The following FAM13B variants were observed in gnomAD, a reference collection of about 807,000 sequenced individuals.
FAM13B encodes the protein family with sequence similarity 13 member B, also known as protein FAM13B.
A neutral mutation model predicts 117.3 loss-of-function variants in FAM13B; 60 were observed. The ratio of observed to expected loss-of-function variants is 0.51; its 90% confidence interval spans 0.42 to 0.63. FAM13B has a LOEUF of 0.63. Among genes scored for constraint, FAM13B ranks in the 30% least tolerant of loss-of-function variants. FAM13B has a pLI of 0.00. For synonymous variants in FAM13B, 332 were observed against 356.1 expected (o/e 0.93, Z 0.76); for missense variants, 972 against 1,091.9 (o/e 0.89, Z 1.55).
At position 137,947,653 on chromosome 5, in the gene FAM13B, C is replaced by A. The variant is rs1561733091; in HGVS notation, c.2160+1302G>T. On this transcript the variant is annotated intron_variant, in intron 18 of 23. Transcript: ENST00000689681. Reference sequence around the variant, plus strand: ...CTTGAGTGCAATGGTGCAATCCTGGCTCACCGCAACCTCCGTCTCCCAGGT... The same window carrying A: ...CTTGAGTGCAATGGTGCAATCCTGGATCACCGCAACCTCCGTCTCCCAGGT... 2.6e-5 allele frequency among the ~76,000 whole-genome samples: 4 copies of A among 152,092 alleles called. No individual in the cohort carries two copies. The South Asian group carries it at 8.3e-4, about 32-fold the overall frequency.
chr5:138,034,279 A>C (rs530491155), upstream of FAM13B, among the ~76,000 whole-genome samples: 12 of 152,374 alleles, frequency 7.9e-5, no homozygotes, highest in East Asian at 1.3e-3. Context: ...TCACTCACTC[A>C]TTCAACAGAT....
chr5:137,964,644 C>T (rs1193431101), intron 10 of FAM13B, among the ~76,000 whole-genome samples: 1 of 151,882 alleles, frequency 6.6e-6, no homozygotes, highest in Non-Finnish European at 1.5e-5. Context: ...TTGCTTGAAC[C>T]CAGGAAGCAA....
intron 1 of FAM13B, among the ~76,000 whole-genome samples, chr5:138,045,249 T>G (rs1791608245): frequency 6.6e-6 from 1 of 151,960 alleles, no homozygotes; most frequent in African/African-American, 2.4e-5. Flanking sequence ...GAGAAAAGAA[T>G]GAGGCCAGGC....
At chr5:137,953,552 T>C (rs1765620401) in intron 15 of FAM13B, 87 bp from the exon 16 acceptor site, 1 of 1,355,574 alleles carries the variant, frequency 7.4e-7, no homozygotes. Context: ...CTATTAGCAA[T>C]AAGTAAATCT....
chr5:138,025,433 A>T (rs949825424), intron 1 of FAM13B, among the ~76,000 whole-genome samples: 1 of 149,616 alleles, frequency 6.7e-6, no homozygotes, highest in Non-Finnish European at 1.5e-5. Context: ...TCAGCCTCCT[A>T]AATCACTGGG....
Position 137,985,326 on chromosome 5 carries a change from C to T in FAM13B, c.1110G>A (p.Val370=). 1 of 1,613,748 alleles carries T rather than the reference C, an allele frequency of 6.2e-7. No individual in the cohort carries two copies. Among genetic ancestry groups the T allele is most frequent in the South Asian group, 1.1e-5 (1 of 91,066 alleles). Residue 370 remains valine, a synonymous_variant, in exon 10 of 24, where the codon GTG becomes GTA. Transcript: ENST00000689681. ...SESNRDCSKP[V]ASTNLDNEAM... The stretch of plus-strand genomic sequence containing the variant: ...CTTCATTGTCTAAATTAGTGCTAGC[C>T]ACAGGTTTTGAACAGTCTCTGTTAC...
At chr5:138,009,266 T>G (rs1243848199) in intron 6 of FAM13B, among the ~76,000 whole-genome samples, 1 of 152,196 alleles carries the variant, frequency 6.6e-6, no homozygotes, top group Admixed American at 6.5e-5. Context: ...TCCCACATCA[T>G]GTATAATGCT....
chr5:138,014,615 A>G (rs1444894563), intron 4 of FAM13B, among the ~76,000 whole-genome samples: 1 of 152,246 alleles, frequency 6.6e-6, no homozygotes, highest in East Asian at 1.9e-4. Flanking sequence ...CACACAGCAG[A>G]TGTTCAATAA....
At chr5:138,038,910 A>G (rs1246571480) in intron 1 of FAM13B, among the ~76,000 whole-genome samples, 1 of 152,224 alleles carries the variant, frequency 6.6e-6, no homozygotes, top group East Asian at 1.9e-4. Context: ...TATCTCTGGA[A>G]TAAAATATTT....
intron 10 of FAM13B, among the ~76,000 whole-genome samples, chr5:137,972,496 C>A (rs1370501990): frequency 6.6e-6 from 1 of 150,910 alleles, no homozygotes; most frequent in East Asian, 1.9e-4. Flanking sequence ...AACCCACAGC[C>A]AATATCATAC....
intron 10 of FAM13B, among the ~76,000 whole-genome samples, chr5:137,966,039 G>A (rs1769621828): frequency 6.6e-6 from 1 of 150,758 alleles, no homozygotes; most frequent in Non-Finnish European, 1.5e-5. Context: ...AATCTATAGT[G>A]AATAATCTCT....
intron 7 of FAM13B, among the ~76,000 whole-genome samples, chr5:138,004,786 A>C (rs899598787): frequency 6.6e-6 from 1 of 152,132 alleles, no homozygotes; most frequent in African/African-American, 2.4e-5. Flanking sequence ...AGGCTGAGGC[A>C]GGACTGCTTG....
intron 10 of FAM13B, among the ~76,000 whole-genome samples, chr5:137,969,366 G>A (rs961531720): frequency 6.6e-6 from 1 of 152,164 alleles, no homozygotes; most frequent in Non-Finnish European, 1.5e-5. Flanking sequence ...ACCTCACACG[G>A]CCGGGTGCTC....
intron 1 of FAM13B, among the ~76,000 whole-genome samples, chr5:138,024,436 C>A (rs1249166090): frequency 6.6e-6 from 1 of 151,936 alleles, no homozygotes; most frequent in Non-Finnish European, 1.5e-5. Context: ...TAGAATCTGC[C>A]CTGTGGACAC....
At chr5:138,014,603 A>G (rs1007790166) in intron 4 of FAM13B, among the ~76,000 whole-genome samples, 4 of 152,252 alleles carry the variant, frequency 2.6e-5, no homozygotes, top group African/African-American at 7.2e-5. Flanking sequence ...AGCACTGCCT[A>G]GCACACAGCA....
At chr5:137,981,016 A>T (rs906744375) in intron 10 of FAM13B, among the ~76,000 whole-genome samples, 2 of 146,544 alleles carry the variant, frequency 1.4e-5, no homozygotes, top group African/African-American at 5.1e-5. Flanking sequence ...GGCTCAGGTG[A>T]TCTTCCCACC....
intron 1 of FAM13B, among the ~76,000 whole-genome samples, chr5:138,031,857 C>T (rs1441794567): frequency 6.6e-6 from 1 of 152,106 alleles, no homozygotes; most frequent in Admixed American, 6.5e-5. Context: ...TCACACTAAC[C>T]CAGCTCTAAA....
upstream of FAM13B, chr5:138,036,654 C>G (rs1299616829): frequency 1.1e-5 from 5 of 450,908 alleles, no homozygotes; most frequent in Middle Eastern, 3.3e-4. Flanking sequence ...AACTAAATAA[C>G]TGAGTATTTA....
chr5:137,967,687 G>C (rs561257430), intron 10 of FAM13B, among the ~76,000 whole-genome samples: 3 of 152,172 alleles, frequency 2.0e-5, no homozygotes, highest in East Asian at 1.9e-4. Context: ...GAAGCCAGGA[G>C]TTCAAGACCA....
Sources: gnomAD v4.1 joint callset for allele counts (sites outside exome capture counted in the v4.1 genomes callset) on GRCh38, gnomAD v4.1.1 for gene constraint, MANE v1.5 for transcripts, NCBI Gene and HGNC (gene_info 2026-07-23, HGNC 2026-07-21) for gene names.